STAU2: variants seen among roughly 807,000 people sequenced by gnomAD.
STAU2 encodes staufen double-stranded RNA binding protein 2.
In STAU2, 20 loss-of-function variants were observed where a neutral mutation model predicts 65.9. The observed-to-expected ratio is 0.30, with a 90% CI of 0.21 to 0.44. The LOEUF is 0.44. Ranked by LOEUF, STAU2 falls within the 20% of genes least tolerant of loss-of-function variation. The probability of loss-of-function intolerance (pLI) is 1.00; values close to 1 mark genes in which losing one functional copy is unlikely to be tolerated. For missense variants in STAU2, 558 were observed against 683.9 expected (o/e 0.82, Z 2.05); for synonymous variants, 232 against 233.9 (o/e 0.99, Z 0.07).
intron 13 of STAU2, among the ~76,000 whole-genome samples, chr8:73,465,094 T>C (rs1463086982): frequency 6.6e-6 from 1 of 152,154 alleles, no homozygotes; most frequent in Non-Finnish European, 1.5e-5. Flanking sequence ...GTCTTGCTTA[T>C]CAAAGAGCAG....
intron 13 of STAU2, among the ~76,000 whole-genome samples, chr8:73,424,336 G>A (rs1365418379): frequency 1.3e-5 from 2 of 151,764 alleles, no homozygotes; most frequent in East Asian, 3.9e-4. Context: ...AAGTAGCTGG[G>A]ACTGCAGGCC....
At chr8:73,496,914 T>C (rs1563386138) in intron 13 of STAU2, among the ~76,000 whole-genome samples, 1 of 151,726 alleles carries the variant, frequency 6.6e-6, no homozygotes, top group Non-Finnish European at 1.5e-5. Flanking sequence ...CAGTTGCTAA[T>C]AGTCCTTTCA....
chr8:73,642,050 T>C lies in STAU2; in HGVS notation c.411-24599A>G, dbSNP rs1161811192. On this transcript the variant is annotated intron_variant, in intron 6 of 14. Coordinates refer to ENST00000524300, the MANE Select transcript of STAU2 (RefSeq NM_001164380.2). ...CTAGACTTACTCCTTAAGTGGGAGA[T>C]GGAACCATCCTAGTTTCTTCAACAC... Among the ~76,000 whole-genome samples, 7 of 152,340 alleles carry C rather than the reference T, an allele frequency of 4.6e-5. No individual in the cohort carries two copies. The East Asian group carries it at 7.7e-4, about 17-fold the overall frequency.
At chr8:73,582,241 TAATAA>T (rs973740778) in intron 12 of STAU2, among the ~76,000 whole-genome samples, 7 of 152,094 alleles carry the variant, frequency 4.6e-5, no homozygotes, top group Non-Finnish European at 1.0e-4. Context: ...TTAGTGACTT[TAATAA>T]AATATTAAAA....
intron 13 of STAU2, among the ~76,000 whole-genome samples, chr8:73,498,566 A>C (rs1388736747): frequency 6.6e-6 from 1 of 151,822 alleles, no homozygotes; most frequent in Admixed American, 6.6e-5. Flanking sequence ...TTCATCATTA[A>C]GTACTTCATT....
At chr8:73,619,192 G>A (rs569239558) in intron 6 of STAU2, among the ~76,000 whole-genome samples, 1 of 152,098 alleles carries the variant, frequency 6.6e-6, no homozygotes. Context: ...AAGCAAGCAC[G>A]ATGTCCTTCC....
chr8:73,439,095 T>C (rs751067367), intron 13 of STAU2: 58 of 452,918 alleles, frequency 1.3e-4, no homozygotes, highest in Middle Eastern at 3.3e-4. Context: ...CCATGGACAG[T>C]ATTGTGCTGG....
chr8:73,506,954 G>A (rs1822104861), intron 13 of STAU2, among the ~76,000 whole-genome samples: 1 of 152,186 alleles, frequency 6.6e-6, no homozygotes, highest in Non-Finnish European at 1.5e-5. Context: ...CAAGTTTCAT[G>A]AGATTGCAGT....
chr8:73,696,017 C>T (rs1216480631), intron 4 of STAU2, among the ~76,000 whole-genome samples: 1 of 152,224 alleles, frequency 6.6e-6, no homozygotes, highest in African/African-American at 2.4e-5. Context: ...CCAGAGCAAT[C>T]CCAGGGATGA....
At chr8:73,632,834 A>G (rs1170692624) in intron 6 of STAU2, among the ~76,000 whole-genome samples, 1 of 152,210 alleles carries the variant, frequency 6.6e-6, no homozygotes, top group East Asian at 1.9e-4. Context: ...ATTCTAATAT[A>G]ATCAAAATAA....
At chr8:73,531,137 C>T (rs1805781662) in intron 13 of STAU2, among the ~76,000 whole-genome samples, 1 of 152,208 alleles carries the variant, frequency 6.6e-6, no homozygotes, top group African/African-American at 2.4e-5. Context: ...ATCTCAAATA[C>T]ATATGCTTGA....
rs116942083 is a variant in STAU2 at position 73,569,606 on chromosome 8, G to A, written c.1222+13164C>T. Among the ~76,000 whole-genome samples, 450 of 151,676 alleles carry A rather than the reference G, an allele frequency of 3.0e-3. 2 individuals carry two copies. The highest frequency in any genetic ancestry group is 4.9e-3 in the Non-Finnish European group (334 of 67,950). On this transcript the variant is annotated intron_variant, in intron 12 of 14. Coordinates refer to ENST00000524300, the MANE Select transcript of STAU2 (RefSeq NM_001164380.2). ...ATACAGCTGGGTGCCCCTCTGAGAC[G>A]ACGCTTCCACAGGAACGATCAGGCA... is the stretch of plus-strand genomic sequence containing the variant.
chr8:73,703,752 C>A (rs1191638812), intron 4 of STAU2, among the ~76,000 whole-genome samples: 16 of 152,266 alleles, frequency 1.1e-4, no homozygotes, highest in African/African-American at 3.6e-4. Flanking sequence ...TTAGAAACTG[C>A]AAACTCATCT....
intron 13 of STAU2, among the ~76,000 whole-genome samples, chr8:73,504,012 G>A (rs1047722168): frequency 2.0e-5 from 3 of 152,096 alleles, no homozygotes; most frequent in African/African-American, 7.2e-5. Context: ...AATTGCAACT[G>A]ATGTCAATAT....
At chr8:73,603,658 C>G in intron 10 of STAU2, 68 bp downstream of exon 10, 7 of 1,543,762 alleles carry the variant, frequency 4.5e-6, no homozygotes, top group Non-Finnish European at 6.1e-6. Context: ...GTTTGCCTTT[C>G]GCCCAAATGC....
At chr8:73,652,170 G>C (rs1228179642) in intron 6 of STAU2, 1 of 152,082 alleles carries the variant, frequency 6.6e-6, no homozygotes, top group Non-Finnish European at 1.5e-5. Flanking sequence ...TGAAGGATTG[G>C]AAGGGGGAAA....
intron 13 of STAU2, among the ~76,000 whole-genome samples, chr8:73,430,804 A>G (rs1295438214): frequency 6.6e-6 from 1 of 152,250 alleles, no homozygotes; most frequent in Non-Finnish European, 1.5e-5. Context: ...GCTAGAGGCC[A>G]GTTGCTTTAA....
chr8:73,460,249 G>A, intron 13 of STAU2, among the ~76,000 whole-genome samples: 1 of 152,128 alleles, frequency 6.6e-6, no homozygotes, highest in East Asian at 1.9e-4. Context: ...ACAAAAACTA[G>A]AAGAAAATGG....
chr8:73,475,382 A>G (rs1043147395), intron 13 of STAU2, among the ~76,000 whole-genome samples: 5 of 152,314 alleles, frequency 3.3e-5, no homozygotes, highest in African/African-American at 1.2e-4. Context: ...CCCACAGATC[A>G]GGATGCAGCT....
Sources: gnomAD v4.1 joint callset for allele counts (sites outside exome capture counted in the v4.1 genomes callset) on GRCh38, gnomAD v4.1.1 for gene constraint, MANE v1.5 for transcripts, NCBI Gene and HGNC (gene_info 2026-07-23, HGNC 2026-07-21) for gene names.